Variants in TRIP6 observed in about 807,000 individuals in gnomAD.
TRIP6 encodes thyroid receptor-interacting protein 6.
TRIP6 carries 33 observed loss-of-function variants against 51.9 expected under a neutral mutation model. The ratio of observed to expected loss-of-function variants is 0.64; its 90% confidence interval spans 0.48 to 0.85. The LOEUF (loss-of-function observed/expected upper bound fraction) is 0.85, where lower values mean the gene tolerates loss of function less well. TRIP6 is among the 40% of genes least tolerant of loss of function. The pLI is 0.00. For synonymous variants in TRIP6, 255 were observed against 275.8 expected (o/e 0.92, Z 0.75); for missense variants, 661 against 652.1 (o/e 1.01, Z -0.15).
In TRIP6 at chr7:100,868,758, G is replaced by C; in HGVS notation, c.627G>C (p.Trp209Cys). The change falls in exon 4 of 9, where the codon TGG (tryptophan) becomes TGC (cysteine). Residue 209 changes from tryptophan to cysteine, a missense_variant. Transcript: ENST00000200457. ...CTCTCCCAGGCCGAGGTGAAGTCTG[G>C]GGGCCTGGCTATAGGAGCCAGAGAG... ...HFPLPGRGEV[W>C]GPGYRSQREP... is the part of the protein sequence containing the mutation. 1 of 1,547,398 alleles carries C rather than the reference G, an allele frequency of 6.5e-7. No homozygotes were observed. Among genetic ancestry groups the C allele is most frequent in the Non-Finnish European group, 8.7e-7 (1 of 1,150,936 alleles).
chr7:100,870,163 G>A (rs570557103), intron 4 of TRIP6, among the ~76,000 whole-genome samples: 2 of 152,302 alleles, frequency 1.3e-5, no homozygotes, highest in South Asian at 4.1e-4. Flanking sequence ...AGAATCTAAC[G>A]CCGCTGCTGA....
At position 100,870,689 on chromosome 7, in the gene TRIP6, C is replaced by T. The variant is rs759406705; in HGVS notation, c.945C>T (p.Arg315=). The stretch of plus-strand genomic sequence containing the variant: ...GTTCTACATGCCGGGCCCAGCTTCG[C>T]GGCCAGCATTTCTACGCCGTGGAGA... ...FVCSTCRAQL[R]GQHFYAVERR... The change falls in exon 6 of 9, where the codon CGC becomes CGT. Residue 315 remains arginine, a synonymous_variant. Transcript: ENST00000200457. 13 of 1,613,968 alleles carry T rather than the reference C, an allele frequency of 8.1e-6. 1 individual carries two copies. The highest frequency in any genetic ancestry group is 2.2e-5 in the East Asian group (1 of 44,890).
In TRIP6 at chr7:100,867,470, C is replaced by T. The variant is rs1054914699; in HGVS notation, c.-28C>T. On this transcript the variant is annotated 5_prime_UTR_variant, in exon 1 of 9. Transcript: ENST00000200457. The surrounding 1 kb of genome is among the most constrained non-coding windows in gnomAD (Gnocchi z 5.4). ...GGCCAGAGGCTCGGGGCTTCAAGACCGCTGTCTGGAGTCCCCCTTTCCAGG... is the reference window on the plus strand; with the variant it reads ...GGCCAGAGGCTCGGGGCTTCAAGACTGCTGTCTGGAGTCCCCCTTTCCAGG... The T allele has an allele frequency of 7.8e-6, 11 of 1,416,440 alleles. No individual in the cohort carries two copies. In the African/African-American group the frequency reaches 1.0e-4, roughly 14 times the overall value. The allele number at this position is 1,416,440 out of a possible 1,614,324, so 87.7% of individuals were successfully genotyped here. A position where few individuals can be genotyped will look rare whatever the true frequency, so the allele number is the denominator to read the frequency against.
At chr7:100,871,914 C>T (rs1815280526) in intron 7 of TRIP6, among the ~76,000 whole-genome samples, 193 bp downstream of exon 7, 1 of 152,194 alleles carries the variant, frequency 6.6e-6, no homozygotes, top group African/African-American at 2.4e-5. Context: ...TAGCTCACTG[C>T]AGCCTCCAAC....
intron 4 of TRIP6, among the ~76,000 whole-genome samples, chr7:100,869,678 G>C (rs1452426869): frequency 1.3e-5 from 2 of 149,990 alleles, no homozygotes; most frequent in African/African-American, 4.9e-5. Flanking sequence ...GGGCCCCTGG[G>C]CTGAGATGTT....
At position 100,871,554 on chromosome 7, in the gene TRIP6, G is replaced by A. The variant is rs768465134; in HGVS notation, c.1011G>A (p.Glu337=). 41 of 1,613,678 alleles carry A rather than the reference G, an allele frequency of 2.5e-5. No individual in the cohort carries two copies. Among genetic ancestry groups the A allele is most frequent in the African/African-American group, 4.0e-5 (3 of 74,934 alleles). ...TTCCTTCCCAACAGGCCACCCTGGAGAAATGTGCCACGTGCTCCCAGCCCA... is the reference window on the plus strand; with the variant it reads ...TTCCTTCCCAACAGGCCACCCTGGAAAAATGTGCCACGTGCTCCCAGCCCA... ...YCEGCYVATL[E]KCATCSQPIL... is the part of the protein sequence containing the mutation. Residue 337 remains glutamate (E), a synonymous_variant, in exon 7 of 9, where the codon GAG becomes GAA. Transcript: ENST00000200457.
chr7:100,868,897 C>T (rs746612793), intron 4 of TRIP6, 31 bp downstream of exon 4: 1 of 1,479,464 alleles, frequency 6.8e-7, no homozygotes, highest in Non-Finnish European at 8.9e-7. Flanking sequence ...ATTTCAGGCC[C>T]TACAGACAAT....
Position 100,867,424 on chromosome 7 carries a change from C to T in TRIP6, c.-74C>T, listed in dbSNP as rs915288297. 1.2e-5 allele frequency: 13 copies of T among 1,107,840 alleles called. No homozygotes were observed. Among genetic ancestry groups the T allele is most frequent in the African/African-American group, 3.3e-5 (2 of 60,410 alleles). The allele number at this position is 1,107,840 out of a possible 1,614,324, so 68.6% of individuals were successfully genotyped here. ...CTTTTCTGGAGTCCCAAACGAGGTG[C>T]GGGACGGAAGAGGGGGTGAAGGCCA... is the stretch of plus-strand genomic sequence containing the variant. On this transcript the variant is annotated 5_prime_UTR_variant, in exon 1 of 9. Transcript: ENST00000200457. This position sits in a 1 kb window ranked among gnomAD's most constrained non-coding sequence, Gnocchi z 5.4.
intron 5 of TRIP6, 49 bp downstream of exon 5, chr7:100,870,512 GAC>G (rs758461721): frequency 1.8e-5 from 29 of 1,605,972 alleles, no homozygotes; most frequent in Non-Finnish European, 2.4e-5. Context: ...GAGGCTGGGA[GAC>G]AGAGGGGACA....
rs777814860 is a variant in TRIP6, at chr7:100,871,676, C to T, written c.1133C>T (p.Thr378Ile). The T allele has an allele frequency of 1.2e-6, 2 of 1,614,118 alleles. No homozygotes were observed. Among genetic ancestry groups the T allele is most frequent in the Non-Finnish European group, 1.7e-6 (2 of 1,180,044 alleles). Residue 378 changes from threonine (T) to isoleucine (I), a missense_variant, in exon 7 of 9, where the codon ACA becomes ATA. Thr to Ile is a moderately conservative substitution (Grantham distance 89). Transcript: ENST00000200457. The stretch of plus-strand genomic sequence containing the variant: ...CGCGGCCTCGACGGCATCCCCTTCA[C>T]AGTGGATGCTACGAGCCAGATCCAC... Reference protein sequence around the residue: ...CHRGLDGIPFTVDATSQIHCI... With the variant: ...CHRGLDGIPFIVDATSQIHCI...
At chr7:100,872,851 T>TA in intron 8 of TRIP6, 107 bp downstream of exon 8, 22 of 1,422,092 alleles carry the variant, frequency 1.5e-5, no homozygotes, top group Middle Eastern at 2.0e-4. Flanking sequence ...GTTGCTTCTT[T>TA]CTTTTTTTTT....
chr7:100,870,993 ATGACACCCC>A, intron 6 of TRIP6: 1 of 670,114 alleles, frequency 1.5e-6, no homozygotes, highest in South Asian at 1.5e-5. Flanking sequence ...TTAGATTCCC[ATGACACCCC>A]TGTGAGGCAG....
rs577728075 is a variant in TRIP6, at chr7:100,867,962, T to G, written c.211T>G (p.Ser71Ala). The G allele has an allele frequency of 1.8e-4, 270 of 1,511,144 alleles. No individual in the cohort carries two copies. The highest frequency in any genetic ancestry group is 2.2e-4 in the Non-Finnish European group (244 of 1,133,382). 93.6% of individuals were successfully genotyped at this position (1,511,144 alleles called of 1,614,324 possible). The change falls in exon 2 of 9, where the codon TCC becomes GCC. Residue 71 changes from serine to alanine, a missense_variant. Transcript: ENST00000200457. The surrounding 1 kb of genome is among the most constrained non-coding windows in gnomAD (Gnocchi z 5.4). ...GGATCGGGGGCCGGCGTGGGTGGGG[T>G]CCCATGGAGTACTCCAGCACACGCA... Reference protein sequence around the residue: ...PEDRGPAWVGSHGVLQHTQGL... With the variant: ...PEDRGPAWVGAHGVLQHTQGL...
rs1334972884 is a variant in TRIP6, at chr7:100,873,371, A to T, written c.*68A>T. On this transcript the variant is annotated 3_prime_UTR_variant, in exon 9 of 9. Transcript: ENST00000200457. The stretch of plus-strand genomic sequence containing the variant: ...ATCCTTTGATTGATCACTCTCCCTG[A>T]CATCCACCTGTATGACTTTGTCACC... 1 of 1,537,384 alleles carries T rather than the reference A, an allele frequency of 6.5e-7. No homozygotes were observed. The highest frequency in any genetic ancestry group is 1.4e-5 in the African/African-American group (1 of 73,068).
At chr7:100,871,112 C>T in intron 6 of TRIP6, 1 of 499,780 alleles carries the variant, frequency 2.0e-6, no homozygotes. Flanking sequence ...CTGCTCACTG[C>T]AACCTCAGCC....
At position 100,868,245 on chromosome 7, in the gene TRIP6, C is replaced by T. The variant is rs766518138; in HGVS notation, c.363+12C>T. The T allele has an allele frequency of 2.2e-5, 35 of 1,604,968 alleles. No individual in the cohort carries two copies. Among genetic ancestry groups the T allele is most frequent in the Non-Finnish European group, 2.6e-5 (31 of 1,175,664 alleles). ...GACCAGACCGACAGGTGACTCTGCC[C>T]CTCCTCCCCGTCAGCACCCTGCCCC... is the stretch of plus-strand genomic sequence containing the variant. On this transcript the variant is annotated intron_variant, in intron 3 of 8. Transcript: ENST00000200457.
In TRIP6 at chr7:100,873,161, T is replaced by C. The variant is rs1275480712; in HGVS notation, c.1300-11T>C. On this transcript the variant is annotated splice_polypyrimidine_tract_variant and intron_variant, in intron 8 of 8. Coordinates refer to ENST00000200457, the MANE Select transcript of TRIP6 (RefSeq NM_003302.3). ...ATCGCGCCCGGCCAATTGTTGCTTC[T>C]TTTTCAACAGGAGTGTGGGCTGCTG... The C allele has an allele frequency of 6.2e-7, 1 of 1,607,488 alleles. No homozygotes were observed. The highest frequency in any genetic ancestry group is 8.5e-7 in the Non-Finnish European group (1 of 1,175,562).
At position 100,867,712 on chromosome 7, in the gene TRIP6, A is replaced by G; in HGVS notation, c.109+106A>G. ...GCTGCTTCCTCCTGCCCCTTCCCCA[A>G]GCCGAGGCGGGGGGAACAGCCGCCT... On this transcript the variant is annotated intron_variant, in intron 1 of 8. Transcript: ENST00000200457. This position sits in a 1 kb window ranked among gnomAD's most constrained non-coding sequence, Gnocchi z 5.4. 2.0e-6 allele frequency: 3 copies of G among 1,520,580 alleles called. No homozygotes were observed. The highest frequency in any genetic ancestry group is 1.8e-6 in the Non-Finnish European group (2 of 1,129,002). 94.2% of individuals were successfully genotyped at this position (1,520,580 alleles called of 1,614,324 possible).
chr7:100,871,535 C>T lies in TRIP6; in HGVS notation c.1000-8C>T. 1 of 1,611,346 alleles carries T rather than the reference C, an allele frequency of 6.2e-7. No homozygotes were observed. The highest frequency in any genetic ancestry group is 8.5e-7 in the Non-Finnish European group (1 of 1,178,050). On this transcript the variant is annotated splice_polypyrimidine_tract_variant and splice_region_variant and intron_variant, in intron 6 of 8. Coordinates refer to ENST00000200457, the MANE Select transcript of TRIP6 (RefSeq NM_003302.3). ...GCTCCCAGATCTTCCTGCCTTCCTT[C>T]CCAACAGGCCACCCTGGAGAAATGT...
Sources: gnomAD v4.1 joint callset for allele counts (sites outside exome capture counted in the v4.1 genomes callset) on GRCh38, gnomAD v4.1.1 for gene constraint, Gnocchi (gnomAD v3.1) non-coding constraint, MANE v1.5 for transcripts, NCBI Gene and HGNC (gene_info 2026-07-23, HGNC 2026-07-21) for gene names.